IGF2BP2: variants seen among roughly 807,000 people sequenced by gnomAD.
IGF2BP2 encodes insulin-like growth factor 2 mRNA-binding protein 2.
Under a neutral mutation model 75.8 loss-of-function variants are expected in IGF2BP2, and 17 were observed. The observed-to-expected ratio is 0.22, with a 90% CI of 0.15 to 0.34. The LOEUF is 0.34. Ranked by LOEUF, IGF2BP2 falls within the 10% of genes least tolerant of loss-of-function variation. The probability of loss-of-function intolerance (pLI) is 1.00; values close to 1 mark genes in which losing one functional copy is unlikely to be tolerated. For missense variants in IGF2BP2, 516 were observed against 772.4 expected (o/e 0.67, Z 3.93); for synonymous variants, 288 against 295.6 (o/e 0.97, Z 0.26).
chr3:185,813,165 GTCT>G (rs1259702968), intron 2 of IGF2BP2, among the ~76,000 whole-genome samples: 1 of 152,062 alleles, frequency 6.6e-6, no homozygotes, highest in Non-Finnish European at 1.5e-5. Flanking sequence ...CTAAATCTCT[GTCT>G]TCTTTAATTC....
chr3:185,825,042 C>T lies in IGF2BP2; in HGVS notation c.-82G>A. On this transcript the variant is annotated 5_prime_UTR_variant, in exon 1 of 16. Transcript: ENST00000382199. ...CTCCTCCGCTGCCCTCGTCTCTCCT[C>T]CTCCTCCGCCCCCCCTCCCCGCCCT... is the stretch of plus-strand genomic sequence containing the variant. The T allele has an allele frequency of 8.7e-7, 1 of 1,153,246 alleles. No homozygotes were observed. The highest frequency in any genetic ancestry group is 1.2e-6 in the Non-Finnish European group (1 of 861,512). 71.4% of individuals were successfully genotyped at this position (1,153,246 alleles called of 1,614,324 possible).
chr3:185,656,199 CAG>C (rs1352574757), intron 12 of IGF2BP2, among the ~76,000 whole-genome samples: 2 of 152,260 alleles, frequency 1.3e-5, no homozygotes, highest in Non-Finnish European at 2.9e-5. Context: ...AGCCCACCCT[CAG>C]GGGTCAGGCC....
chr3:185,672,085 T>A (rs1396333666), intron 10 of IGF2BP2, among the ~76,000 whole-genome samples: 1 of 152,228 alleles, frequency 6.6e-6, no homozygotes, highest in African/African-American at 2.4e-5. Flanking sequence ...TATTTTCTTT[T>A]AAAAATTGCC....
intron 4 of IGF2BP2, among the ~76,000 whole-genome samples, chr3:185,693,801 A>C (rs867446203): frequency 1.3e-5 from 2 of 152,336 alleles, no homozygotes; most frequent in Middle Eastern, 6.8e-3. Context: ...CATTAAGTTA[A>C]AGATAATTCA....
At chr3:185,665,880 T>C (rs947655897) in intron 10 of IGF2BP2, among the ~76,000 whole-genome samples, 2 of 152,162 alleles carry the variant, frequency 1.3e-5, no homozygotes, top group African/African-American at 4.8e-5. Context: ...GGCATGAGAA[T>C]CGCTTGAACC....
intron 2 of IGF2BP2, among the ~76,000 whole-genome samples, chr3:185,788,936 C>T (rs1736257558): frequency 6.6e-6 from 1 of 152,098 alleles, no homozygotes; most frequent in South Asian, 2.1e-4. Context: ...TGGTCTCAAA[C>T]TCCTGACCTC....
chr3:185,759,739 C>G (rs1732104685), intron 2 of IGF2BP2, among the ~76,000 whole-genome samples: 1 of 152,238 alleles, frequency 6.6e-6, no homozygotes. Flanking sequence ...GCCCATAAAT[C>G]AGCCAATGAG....
At chr3:185,821,063 C>G (rs1223873430) in intron 2 of IGF2BP2, 5 of 1,535,200 alleles carry the variant, frequency 3.3e-6, no homozygotes, top group Non-Finnish European at 4.4e-6. Context: ...TGAGAACATA[C>G]AGCTGCTTCA....
chr3:185,760,307 A>G (rs1319606605), intron 2 of IGF2BP2, among the ~76,000 whole-genome samples: 1 of 152,188 alleles, frequency 6.6e-6, no homozygotes, highest in Admixed American at 6.5e-5. Context: ...AGACAAGAAT[A>G]TTAGACTCAT....
In IGF2BP2 at chr3:185,643,955, CTCTG is replaced by C. The variant is rs1713083317; in HGVS notation, c.*1572_*1575del. ...TCAGGACATCTCCAATATTCTCTCT[CTCTG>C]TTTTTCTTTGTCATCTTTTTTTTTT... is the stretch of plus-strand genomic sequence containing the variant. On this transcript the variant is annotated 3_prime_UTR_variant, in exon 16 of 16. Transcript: ENST00000382199. 1 of 151,744 alleles carries C rather than the reference CTCTG, an allele frequency of 6.6e-6. No homozygotes were observed. The highest frequency in any genetic ancestry group is 1.5e-5 in the Non-Finnish European group (1 of 67,828). 9.4% of individuals were successfully genotyped at this position (151,744 alleles called of 1,614,324 possible).
At chr3:185,766,529 A>G (rs1021029339) in intron 2 of IGF2BP2, among the ~76,000 whole-genome samples, 5 of 152,202 alleles carry the variant, frequency 3.3e-5, no homozygotes, top group Non-Finnish European at 7.3e-5. Flanking sequence ...GTTTTATTGG[A>G]ACACAGCCAT....
chr3:185,793,800 G>A (rs1736955356), intron 2 of IGF2BP2, among the ~76,000 whole-genome samples: 1 of 151,970 alleles, frequency 6.6e-6, no homozygotes, highest in Non-Finnish European at 1.5e-5. Flanking sequence ...AAGCAGGTTT[G>A]GAACCCTGGA....
chr3:185,718,529 C>CA (rs1578086738), intron 2 of IGF2BP2, among the ~76,000 whole-genome samples: 1 of 151,568 alleles, frequency 6.6e-6, no homozygotes, highest in African/African-American at 2.4e-5. Flanking sequence ...ACTAAAAATA[C>CA]AAAAAATTAG....
chr3:185,703,651 A>G (rs1459510957), intron 2 of IGF2BP2, among the ~76,000 whole-genome samples: 3 of 152,052 alleles, frequency 2.0e-5, no homozygotes, highest in Non-Finnish European at 2.9e-5. Context: ...GTGTGCACCT[A>G]TTGTCCCAGT....
intron 9 of IGF2BP2, among the ~76,000 whole-genome samples, chr3:185,673,890 C>T (rs1718894042): frequency 6.6e-6 from 1 of 152,178 alleles, no homozygotes; most frequent in Non-Finnish European, 1.5e-5. Context: ...TGTAGCTTTT[C>T]CAGGTGTTCA....
chr3:185,749,427 A>C (rs1730676184), intron 2 of IGF2BP2, among the ~76,000 whole-genome samples: 1 of 152,250 alleles, frequency 6.6e-6, no homozygotes, highest in Non-Finnish European at 1.5e-5. Flanking sequence ...AGTAACAATT[A>C]TAATGAATGC....
rs562892889 is a variant in IGF2BP2, at chr3:185,714,448, G to C, written c.240-16101C>G. Among the ~76,000 whole-genome samples the C allele has an allele frequency of 2.6e-5, 4 of 152,122 alleles. No homozygotes were observed. In the South Asian group the frequency reaches 8.3e-4, roughly 32 times the overall value. On this transcript the variant is annotated intron_variant, in intron 2 of 15. Coordinates refer to ENST00000382199, the MANE Select transcript of IGF2BP2 (RefSeq NM_006548.6). ...GCATATCTTGGAAGATAAACTCCTAGAAGTGAAATCCTAAAAGTGGAACAG... is the reference window on the plus strand; with the variant it reads ...GCATATCTTGGAAGATAAACTCCTACAAGTGAAATCCTAAAAGTGGAACAG...
At position 185,818,288 on chromosome 3, in the gene IGF2BP2, G is replaced by A. The variant is rs551925036; in HGVS notation, c.239+4865C>T. ...CTTTTGTGACAGGGGATAGCCAAGT[G>A]AAAAGGAAGGAGGGAAGATGCTGCA... On this transcript the variant is annotated intron_variant, in intron 2 of 15. Coordinates refer to ENST00000382199, the MANE Select transcript of IGF2BP2 (RefSeq NM_006548.6). 3.9e-5 allele frequency among the ~76,000 whole-genome samples: 6 copies of A among 152,282 alleles called. No individual in the cohort carries two copies. In the East Asian group the frequency reaches 9.6e-4, roughly 24 times the overall value.
chr3:185,805,783 T>C (rs1451358064), intron 2 of IGF2BP2, among the ~76,000 whole-genome samples: 1 of 151,470 alleles, frequency 6.6e-6, no homozygotes, highest in Non-Finnish European at 1.5e-5. Flanking sequence ...TTTTTTTTTT[T>C]TTTTTGAGAC....
Sources: allele counts gnomAD v4.1 joint callset (sites outside exome capture counted in the v4.1 genomes callset), GRCh38; gene constraint gnomAD v4.1.1; transcripts MANE v1.5; gene names NCBI Gene and HGNC (gene_info 2026-07-23, HGNC 2026-07-21).